Variants in MYO5A observed in about 807,000 individuals in gnomAD.
The protein encoded by MYO5A is unconventional myosin-Va.
Under a neutral mutation model 249.7 loss-of-function variants are expected in MYO5A, and 98 were observed. The observed-to-expected ratio is 0.39, with a 90% CI of 0.33 to 0.46. MYO5A has a LOEUF of 0.46. MYO5A is among the 20% of genes least tolerant of loss of function. MYO5A has a pLI of 0.98. For missense variants in MYO5A, 1,696 were observed against 2,308.8 expected (o/e 0.73, Z 5.44); for synonymous variants, 778 against 810.6 (o/e 0.96, Z 0.68).
At chr15:52,437,353 G>A (rs895840576) in intron 1 of MYO5A, among the ~76,000 whole-genome samples, 1 of 152,138 alleles carries the variant, frequency 6.6e-6, no homozygotes, top group African/African-American at 2.4e-5. Context: ...CCAGCTCTTT[G>A]GGAGGCTTAG....
chr15:52,312,951 G>T lies in MYO5A; in HGVS notation c.*745C>A, dbSNP rs2037831742. Reference sequence around the variant, plus strand: ...TGTGCAGGTGAATCTGTAGGTATTTGCATATAATCCAGTTAAAACTGTGAT... The same window carrying T: ...TGTGCAGGTGAATCTGTAGGTATTTTCATATAATCCAGTTAAAACTGTGAT... On this transcript the variant is annotated 3_prime_UTR_variant, in exon 42 of 42. Transcript: ENST00000399233. The T allele has an allele frequency of 6.6e-6, 1 of 152,586 alleles. No homozygotes were observed. The highest frequency in any genetic ancestry group is 2.1e-4 in the South Asian group (1 of 4,834). The allele number at this position is 152,586 out of a possible 1,614,324, so 9.5% of individuals were successfully genotyped here.
intron 1 of MYO5A, among the ~76,000 whole-genome samples, chr15:52,473,376 T>C (rs2076519045): frequency 2.0e-5 from 3 of 152,258 alleles, no homozygotes; most frequent in Admixed American, 2.0e-4. Flanking sequence ...TTTCTTTTGC[T>C]GTGCAGAAGC....
chr15:52,515,231 C>A (rs1595828985), intron 1 of MYO5A, among the ~76,000 whole-genome samples: 1 of 151,036 alleles, frequency 6.6e-6, no homozygotes, highest in South Asian at 2.1e-4. Context: ...GAGCTATGAT[C>A]ACGTCACTGC....
At chr15:52,475,110 T>A (rs1284252219) in intron 1 of MYO5A, among the ~76,000 whole-genome samples, 1 of 152,240 alleles carries the variant, frequency 6.6e-6, no homozygotes, top group African/African-American at 2.4e-5. Flanking sequence ...CCTGGTTTAG[T>A]CTTGGGAGGG....
intron 25 of MYO5A, among the ~76,000 whole-genome samples, chr15:52,357,521 A>G (rs548112658): frequency 1.3e-5 from 2 of 152,238 alleles, no homozygotes; most frequent in African/African-American, 4.8e-5. Context: ...TATATAAACA[A>G]CTAGTTGATT....
intron 40 of MYO5A, among the ~76,000 whole-genome samples, chr15:52,315,943 T>C (rs1482484049): frequency 6.6e-6 from 1 of 151,870 alleles, no homozygotes; most frequent in Non-Finnish European, 1.5e-5. Context: ...TGATGAACAT[T>C]AAGAAAGTTG....
chr15:52,395,293 A>G (rs1479516962), intron 11 of MYO5A, among the ~76,000 whole-genome samples: 1 of 152,180 alleles, frequency 6.6e-6, no homozygotes, highest in East Asian at 1.9e-4. Context: ...CTCTTCCACT[A>G]TTCTCCCTAT....
chr15:52,332,502 TG>T (rs1370124206), intron 34 of MYO5A, among the ~76,000 whole-genome samples: 1 of 152,210 alleles, frequency 6.6e-6, no homozygotes, highest in East Asian at 1.9e-4. Context: ...AGGATATTTT[TG>T]GTACTGTATA....
intron 5 of MYO5A, 51 bp from the exon 6 acceptor site, chr15:52,410,527 A>G: frequency 1.3e-6 from 2 of 1,525,892 alleles, no homozygotes; most frequent in South Asian, 1.1e-5. Flanking sequence ...TCATAACATG[A>G]CATTTACAGA....
rs779929736 is a variant in MYO5A at position 52,416,216 on chromosome 15, C to T, written c.541G>A (p.Ala181Thr). ...TCACTGGCAGAACCACTCACAGTTG[C>T]AAAGTATCGCATGGCATACTTAGCT... ...VSAKYAMRYF[A>T]TVSGSASEAN... Residue 181 changes from alanine (A) to threonine (T), a missense_variant, in exon 5 of 42, where the codon GCA becomes ACA. Transcript: ENST00000399233. 2 of 1,614,004 alleles carry T rather than the reference C, an allele frequency of 1.2e-6. No homozygotes were observed. Among genetic ancestry groups the T allele is most frequent in the African/African-American group, 2.7e-5 (2 of 74,916 alleles).
At chr15:52,452,672 G>A (rs1391638942) in intron 1 of MYO5A, among the ~76,000 whole-genome samples, 1 of 151,944 alleles carries the variant, frequency 6.6e-6, no homozygotes, top group East Asian at 1.9e-4. Context: ...TCCTCATTCA[G>A]GATGGGCAGC....
chr15:52,318,834 T>C lies in MYO5A; in HGVS notation c.5234+226A>G, dbSNP rs918748496. Reference sequence around the variant, plus strand: ...GTGGAAAAGGGTTTCCTATCAAGAATGTGAAGAACCTGTTGGCAGGGTACA... The same window carrying C: ...GTGGAAAAGGGTTTCCTATCAAGAACGTGAAGAACCTGTTGGCAGGGTACA... On this transcript the variant is annotated intron_variant, in intron 39 of 41. Coordinates refer to ENST00000399233, the MANE Select transcript of MYO5A (RefSeq NM_001382347.1). Among the ~76,000 whole-genome samples the C allele has an allele frequency of 6.6e-5, 10 of 152,300 alleles. No individual in the cohort carries two copies. In the East Asian group the frequency reaches 1.9e-3, roughly 29 times the overall value.
At chr15:52,434,033 T>C (rs1282954392) in intron 1 of MYO5A, among the ~76,000 whole-genome samples, 1 of 147,542 alleles carries the variant, frequency 6.8e-6, no homozygotes, top group Non-Finnish European at 1.5e-5. Context: ...ACAGTCTCGC[T>C]CTGTTGCCCA....
intron 2 of MYO5A, 141 bp downstream of exon 2, chr15:52,433,034 C>A: frequency 1.5e-6 from 1 of 684,028 alleles, no homozygotes. Context: ...ACTGAGTTTG[C>A]CATTTTTACC....
intron 24 of MYO5A, 151 bp from the exon 25 acceptor site, chr15:52,360,232 T>C: frequency 1.5e-6 from 1 of 683,298 alleles, no homozygotes; most frequent in Non-Finnish European, 2.7e-6. Context: ...GACCAAATAA[T>C]TACAAAAAGG....
At chr15:52,418,401 A>C (rs1818487043) in intron 4 of MYO5A, among the ~76,000 whole-genome samples, 1 of 152,236 alleles carries the variant, frequency 6.6e-6, no homozygotes, top group South Asian at 2.1e-4. Flanking sequence ...TGGAAATAAA[A>C]GACTCTAGGG....
chr15:52,413,029 C>G (rs1395948389), intron 5 of MYO5A, among the ~76,000 whole-genome samples: 1 of 151,934 alleles, frequency 6.6e-6, no homozygotes, highest in Non-Finnish European at 1.5e-5. Context: ...TGCCTGTAAT[C>G]CCAGCTACTC....
At chr15:52,459,782 G>A (rs979405494) in intron 1 of MYO5A, among the ~76,000 whole-genome samples, 1 of 150,262 alleles carries the variant, frequency 6.7e-6, no homozygotes, top group Non-Finnish European at 1.5e-5. Flanking sequence ...ACGGGGCGGC[G>A]GCCGGGCAGA....
chr15:52,498,839 C>A (rs1007533083), intron 1 of MYO5A, among the ~76,000 whole-genome samples: 2 of 152,084 alleles, frequency 1.3e-5, no homozygotes, highest in Admixed American at 6.6e-5. Context: ...TTTAGAAGTA[C>A]CAACCCCATA....
Sources: gnomAD v4.1 joint callset for allele counts (sites outside exome capture counted in the v4.1 genomes callset) on GRCh38, gnomAD v4.1.1 for gene constraint, MANE v1.5 for transcripts, NCBI Gene and HGNC (gene_info 2026-07-23, HGNC 2026-07-21) for gene names.